NOTCH2: variants seen among roughly 807,000 people sequenced by gnomAD.
NOTCH2 encodes the protein notch receptor 2, also known as neurogenic locus notch homolog protein 2.
NOTCH2 carries 29 observed loss-of-function variants against 235.8 expected under a neutral mutation model. The ratio of observed to expected loss-of-function variants is 0.12; its 90% CI spans 0.09 to 0.17. NOTCH2 has a LOEUF of 0.17. Among genes scored for constraint, NOTCH2 ranks in the 10% least tolerant of loss-of-function variants. NOTCH2 has a pLI of 1.00. For missense variants in NOTCH2, 2,285 were observed against 3,150.2 expected (o/e 0.73, Z 6.57); for synonymous variants, 1,086 against 1,141.5 (o/e 0.95, Z 0.98).
At chr1:119,929,897 A>T (rs1649595108) in intron 22 of NOTCH2, among the ~76,000 whole-genome samples, 1 of 152,210 alleles carries the variant, frequency 6.6e-6, no homozygotes, top group South Asian at 2.1e-4. Flanking sequence ...ATACAGGTGT[A>T]CTATTTTTTA....
intron 30 of NOTCH2, among the ~76,000 whole-genome samples, chr1:119,919,952 C>A (rs1649215026): frequency 6.6e-6 from 1 of 152,178 alleles, no homozygotes; most frequent in African/African-American, 2.4e-5. Context: ...CTATCCTCTG[C>A]TTTGGGATAT....
intron 5 of NOTCH2, among the ~76,000 whole-genome samples, chr1:119,975,731 A>T (rs769568093): frequency 6.6e-5 from 10 of 152,164 alleles, no homozygotes; most frequent in Non-Finnish European, 1.2e-4. Context: ...CTGAAATAGA[A>T]ACCATGGCCT....
rs782194563 is a variant in NOTCH2, at chr1:119,963,845, A to C, written c.1682-38T>G. ...TTTTATCAAGGATTCTCAAAGACCA[A>C]GGCAGATATTCCACACCAGAACACA... On this transcript the variant is annotated intron_variant, in intron 10 of 33. Transcript: ENST00000256646. 4 of 1,551,780 alleles carry C rather than the reference A, an allele frequency of 2.6e-6. No individual in the cohort carries two copies. The African/African-American group carries it at 5.4e-5, about 21-fold the overall frequency.
rs766267221 is a variant in NOTCH2 at position 119,925,828 on chromosome 1, G to A, written c.4006-18C>T. 1 of 1,613,610 alleles carries A rather than the reference G, an allele frequency of 6.2e-7. No individual in the cohort carries two copies. Among genetic ancestry groups the A allele is most frequent in the Non-Finnish European group, 8.5e-7 (1 of 1,179,938 alleles). On this transcript the variant is annotated intron_variant, in intron 24 of 33. Transcript: ENST00000256646. ...GAAAATCCCTGTGGAAATCAGTGAG[G>A]AAATAAAAATGGCATTGGTAGGAAA... is the stretch of plus-strand genomic sequence containing the variant.
chr1:119,944,071 A>C (rs1650166320), intron 17 of NOTCH2, among the ~76,000 whole-genome samples: 1 of 152,230 alleles, frequency 6.6e-6, no homozygotes, highest in Admixed American at 6.5e-5. Context: ...TGAAAAATAA[A>C]TAAATCAACC....
At chr1:119,963,930 C>T in intron 10 of NOTCH2, 123 bp from the exon 11 acceptor site, 1 of 849,414 alleles carries the variant, frequency 1.2e-6, no homozygotes, top group Non-Finnish European at 2.0e-6. Flanking sequence ...TACTGCAGGT[C>T]TTGAGCAGTA....
At chr1:119,959,572 G>T in intron 11 of NOTCH2, 70 bp from the exon 12 acceptor site, 1 of 855,584 alleles carries the variant, frequency 1.2e-6, no homozygotes. Context: ...TGCTTGTGAT[G>T]CAGCAACGTG....
intron 5 of NOTCH2, among the ~76,000 whole-genome samples, chr1:119,977,722 T>C (rs1651644619): frequency 1.3e-5 from 2 of 152,296 alleles, no homozygotes; most frequent in African/African-American, 4.8e-5. Flanking sequence ...ACAGATTTAG[T>C]ACAAACTCGG....
At chr1:120,009,521 T>C (rs1173740839) in intron 2 of NOTCH2, among the ~76,000 whole-genome samples, 7 of 152,086 alleles carry the variant, frequency 4.6e-5, no homozygotes, top group Non-Finnish European at 7.4e-5. Context: ...TAACCTTCTA[T>C]GACTGTAGCC....
intron 1 of NOTCH2, among the ~76,000 whole-genome samples, chr1:120,040,717 T>C (rs1654509557): frequency 6.9e-6 from 1 of 144,250 alleles, no homozygotes; most frequent in African/African-American, 2.7e-5. Context: ...CTTTATTAAA[T>C]ACCAAAGGGA....
At chr1:119,936,772 G>T (rs1649864300) in intron 21 of NOTCH2, among the ~76,000 whole-genome samples, 1 of 152,126 alleles carries the variant, frequency 6.6e-6, no homozygotes, top group African/African-American at 2.4e-5. Context: ...TTAAAATAGT[G>T]ACATGTACCT....
chr1:119,936,572 AG>A (rs1203430864), intron 21 of NOTCH2, among the ~76,000 whole-genome samples: 1 of 152,234 alleles, frequency 6.6e-6, no homozygotes, highest in Non-Finnish European at 1.5e-5. Flanking sequence ...AATGAGACCC[AG>A]CCCCAGCCTG....
At chr1:119,973,546 T>C (rs782767865) in intron 5 of NOTCH2, among the ~76,000 whole-genome samples, 1 of 152,192 alleles carries the variant, frequency 6.6e-6, no homozygotes, top group Non-Finnish European at 1.5e-5. Flanking sequence ...TCTGATGCTC[T>C]TTGACTGCAG....
At chr1:119,984,096 G>C (rs977522750) in intron 5 of NOTCH2, among the ~76,000 whole-genome samples, 1 of 152,124 alleles carries the variant, frequency 6.6e-6, no homozygotes, top group Non-Finnish European at 1.5e-5. Context: ...TAGTGAAAAA[G>C]CATCAGACTG....
intron 22 of NOTCH2, among the ~76,000 whole-genome samples, chr1:119,933,483 C>T (rs587761185): frequency 6.6e-6 from 1 of 152,282 alleles, no homozygotes; most frequent in East Asian, 1.9e-4. Flanking sequence ...TACCTACATA[C>T]ATCATAATCA....
chr1:120,069,311 G>T lies in NOTCH2; in HGVS notation c.73+23C>A, dbSNP rs782146126. ...GTGGCAGCCCCGGGCGCCGCGGACA[G>T]CGCCCCTCAGCCCGATACTCACCAT... On this transcript the variant is annotated intron_variant, in intron 1 of 33. Transcript: ENST00000256646. 246 of 1,550,550 alleles carry T rather than the reference G, an allele frequency of 1.6e-4. 1 individual carries two copies. Among genetic ancestry groups the T allele is most frequent in the Admixed American group, 1.1e-3 (58 of 54,276 alleles).
chr1:119,921,627 T>C (rs587700586), intron 29 of NOTCH2, 86 bp downstream of exon 29: 1 of 1,095,952 alleles, frequency 9.1e-7, no homozygotes, highest in African/African-American at 1.5e-5. Flanking sequence ...TTACTCCCAT[T>C]CAGGACACTC....
chr1:119,924,105 C>G, intron 25 of NOTCH2, 121 bp from the exon 26 acceptor site: 1 of 797,722 alleles, frequency 1.3e-6, no homozygotes, highest in Non-Finnish European at 2.1e-6. Flanking sequence ...ACACCCAGGA[C>G]CCAAATGCCC....
chr1:119,964,087 C>T (rs1442130075), intron 10 of NOTCH2, among the ~76,000 whole-genome samples: 16 of 152,192 alleles, frequency 1.1e-4, no homozygotes, highest in African/African-American at 3.6e-4. Flanking sequence ...ACCTTCATTT[C>T]TTACTAGGCT....
Sources: gnomAD v4.1 joint callset for allele counts (sites outside exome capture counted in the v4.1 genomes callset) on GRCh38, gnomAD v4.1.1 for gene constraint, MANE v1.5 for transcripts, NCBI Gene and HGNC (gene_info 2026-07-23, HGNC 2026-07-21) for gene names.